The following CRTAM variants were observed in gnomAD, a reference collection of about 807,000 sequenced individuals.
CRTAM encodes cytotoxic and regulatory T cell molecule.
Under a neutral mutation model 50.0 loss-of-function variants are expected in CRTAM, and 44 were observed. That is an observed-to-expected ratio of 0.88 (90% CI 0.69 to 1.13). CRTAM has a LOEUF of 1.13. Ranked by LOEUF, CRTAM falls within the 50% of genes most tolerant of loss-of-function variation. The pLI, the probability that CRTAM is intolerant of heterozygous loss-of-function variation, is 0.00. For synonymous variants in CRTAM, 159 were observed against 169.3 expected, an observed-to-expected ratio of 0.94 and a Z score of 0.47; for missense variants, 448 against 457.5, an observed-to-expected ratio of 0.98 and a Z score of 0.19.
Position 122,862,542 on chromosome 11 carries a change from C to T in CRTAM, c.731C>T (p.Thr244Ile). 1.3e-6 allele frequency: 2 copies of T among 1,573,052 alleles called. No homozygotes were observed. Among genetic ancestry groups the T allele is most frequent in the Non-Finnish European group, 1.7e-6 (2 of 1,149,116 alleles). Reference sequence around the variant, plus strand: ...CAAGACCCACAGCAGCCCACCAGTACTGGTAAGTGTCAAAATCATTCAAAC... The same window carrying T: ...CAAGACCCACAGCAGCCCACCAGTATTGGTAAGTGTCAAAATCATTCAAAC... Reference protein sequence around the residue: ...SSQDPQQPTSTVSVTEDSSTS... With the variant: ...SSQDPQQPTSIVSVTEDSSTS... Residue 244 changes from threonine to isoleucine, a missense_variant and splice_region_variant, in exon 6 of 10, where the codon ACT becomes ATT. By Grantham distance (89) the Thr-to-Ile change is moderately conservative. Transcript: ENST00000227348.
chr11:122,857,323 G>A (rs182375258), intron 5 of CRTAM, among the ~76,000 whole-genome samples: 6 of 152,328 alleles, frequency 3.9e-5, no homozygotes, highest in African/African-American at 1.2e-4. Flanking sequence ...AAAAAAATCA[G>A]CTGGGCATGA....
chr11:122,870,890 GC>G (rs1444232200), intron 9 of CRTAM, among the ~76,000 whole-genome samples: 1 of 152,076 alleles, frequency 6.6e-6, no homozygotes, highest in African/African-American at 2.4e-5. Flanking sequence ...ACCAGCCTAG[GC>G]AATATAGTGA....
chr11:122,846,273 T>A (rs1439181513), intron 1 of CRTAM, among the ~76,000 whole-genome samples: 1 of 152,178 alleles, frequency 6.6e-6, no homozygotes, highest in Non-Finnish European at 1.5e-5. Context: ...ATTTATGTGA[T>A]GAAGAGAAGA....
At chr11:122,853,542 C>T (rs1591351652) in intron 3 of CRTAM, among the ~76,000 whole-genome samples, 2 of 151,792 alleles carry the variant, frequency 1.3e-5, no homozygotes, top group East Asian at 2.0e-4. Flanking sequence ...AAATATGGGC[C>T]GGGCGCAGTG....
chr11:122,863,461 T>C (rs1162999033), intron 6 of CRTAM, among the ~76,000 whole-genome samples: 1 of 152,234 alleles, frequency 6.6e-6, no homozygotes, highest in East Asian at 1.9e-4. Context: ...TCTCTTTCCA[T>C]TTCATGTAAT....
chr11:122,856,321 T>G (rs1048479551), intron 5 of CRTAM, among the ~76,000 whole-genome samples: 1 of 152,258 alleles, frequency 6.6e-6, no homozygotes, highest in Non-Finnish European at 1.5e-5. Flanking sequence ...ATAATTGCTT[T>G]GAAGATTTTA....
chr11:122,865,185 C>T (rs183859390), intron 7 of CRTAM, among the ~76,000 whole-genome samples: 3 of 151,982 alleles, frequency 2.0e-5, no homozygotes, highest in South Asian at 2.1e-4. Flanking sequence ...TACAGGCACA[C>T]GCCACCACCC....
At position 122,854,061 on chromosome 11, in the gene CRTAM, A is replaced by C; in HGVS notation, c.465A>C (p.Leu155=). Residue 155 remains leucine (L), a synonymous_variant, in exon 4 of 10, where the codon CTA becomes CTC. Transcript: ENST00000227348. ...AGCCCCCTCCGCAGATAACCTGGCT[A>C]CTTGGGAATAGCATGGAAGTGTCCG... ...RSKPPPQITW[L]LGNSMEVSGG... 1 of 1,614,036 alleles carries C rather than the reference A, an allele frequency of 6.2e-7. No homozygotes were observed. The highest frequency in any genetic ancestry group is 8.5e-7 in the Non-Finnish European group (1 of 1,179,948).
intron 9 of CRTAM, among the ~76,000 whole-genome samples, 172 bp from the exon 10 acceptor site, chr11:122,871,097 A>T (rs1315050225): frequency 6.6e-6 from 1 of 152,144 alleles, no homozygotes; most frequent in Non-Finnish European, 1.5e-5. Context: ...ACCACGAAAA[A>T]CAAAAAAGAA....
At chr11:122,857,993 C>T (rs1399742747) in intron 5 of CRTAM, among the ~76,000 whole-genome samples, 1 of 152,160 alleles carries the variant, frequency 6.6e-6, no homozygotes, top group Non-Finnish European at 1.5e-5. Flanking sequence ...TCACTGCAGC[C>T]TCAATCTTCC....
In CRTAM at chr11:122,861,858, A is replaced by G. The variant is rs536808746; in HGVS notation, c.653-606A>G. Among the ~76,000 whole-genome samples the G allele has an allele frequency of 2.1e-4, 32 of 152,294 alleles. 2 individuals are homozygous for G. In the South Asian group the frequency reaches 6.6e-3, roughly 32 times the overall value. On this transcript the variant is annotated intron_variant, in intron 5 of 9. Coordinates refer to ENST00000227348, the MANE Select transcript of CRTAM (RefSeq NM_019604.4). ...ACCTATACTAGGCTGACCCTCTGGAAACATTCCTAAGCATTGATTAATGTT... is the reference window on the plus strand; with the variant it reads ...ACCTATACTAGGCTGACCCTCTGGAGACATTCCTAAGCATTGATTAATGTT...
In CRTAM at chr11:122,855,717, A is replaced by T; in HGVS notation, c.513A>T (p.Glu171Asp). Residue 171 changes from glutamate to aspartate, a missense_variant, in exon 5 of 10, where the codon GAA (glutamate) becomes GAT (aspartate). Physicochemically the swap from Glu to Asp is conservative, Grantham distance 45. Coordinates refer to ENST00000227348, the MANE Select transcript of CRTAM (RefSeq NM_019604.4). ...TAGGTGGAACGCTCCATGAATTTGAAACTGATGGGAAGAAATGTAATACTA... is the reference window on the plus strand; with the variant it reads ...TAGGTGGAACGCTCCATGAATTTGATACTGATGGGAAGAAATGTAATACTA... ...EVSGGTLHEF[E>D]TDGKKCNTTS... 6.2e-7 allele frequency: 1 copy of T among 1,614,112 alleles called. No homozygotes were observed. The highest frequency in any genetic ancestry group is 8.5e-7 in the Non-Finnish European group (1 of 1,179,986).
chr11:122,839,668 A>G (rs577499598), intron 1 of CRTAM, among the ~76,000 whole-genome samples: 1 of 152,256 alleles, frequency 6.6e-6, no homozygotes, highest in African/African-American at 2.4e-5. Flanking sequence ...TCTGCTTACA[A>G]TTGTATCAGA....
chr11:122,861,293 A>G (rs1862070350), intron 5 of CRTAM, among the ~76,000 whole-genome samples: 1 of 150,080 alleles, frequency 6.7e-6, no homozygotes, highest in Non-Finnish European at 1.5e-5. Flanking sequence ...GATTAAATAA[A>G]CACCAAGAAG....
At chr11:122,840,147 A>G (rs1470281688) in intron 1 of CRTAM, among the ~76,000 whole-genome samples, 3 of 152,164 alleles carry the variant, frequency 2.0e-5, no homozygotes, top group Admixed American at 6.5e-5. Flanking sequence ...TTTTAAATAA[A>G]TAGCAAAAAT....
intron 9 of CRTAM, 72 bp from the exon 10 acceptor site, chr11:122,871,197 C>A: frequency 7.3e-7 from 1 of 1,366,508 alleles, no homozygotes; most frequent in Non-Finnish European, 1.0e-6. Context: ...GATATCCAAT[C>A]AAAGTGTTTC....
At chr11:122,844,595 G>A (rs1274197997) in intron 1 of CRTAM, among the ~76,000 whole-genome samples, 5 of 152,150 alleles carry the variant, frequency 3.3e-5, no homozygotes, top group African/African-American at 9.7e-5. Flanking sequence ...TAGTGCCATC[G>A]TGAATACTAG....
chr11:122,848,230 T>C lies in CRTAM; in HGVS notation c.47-1838T>C, dbSNP rs568770897. ...CACTGGCTTTCCTACCTTCTTAATA[T>C]GGATGTCATGAGAACACAAAATAGG... On this transcript the variant is annotated intron_variant, in intron 1 of 9. Transcript: ENST00000227348. Among the ~76,000 whole-genome samples, 4 of 152,308 alleles carry C rather than the reference T, an allele frequency of 2.6e-5. No individual in the cohort carries two copies. In the South Asian group the frequency reaches 6.2e-4, roughly 24 times the overall value.
chr11:122,861,450 T>A (rs1413295163), intron 5 of CRTAM, among the ~76,000 whole-genome samples: 1 of 105,604 alleles, frequency 9.5e-6, no homozygotes, highest in East Asian at 3.4e-4. Flanking sequence ...TTTTTTTTTT[T>A]GAGAGGGAGT....
Sources: gnomAD v4.1 joint callset for allele counts (sites outside exome capture counted in the v4.1 genomes callset) on GRCh38, gnomAD v4.1.1 for gene constraint, MANE v1.5 for transcripts, NCBI Gene and HGNC (gene_info 2026-07-23, HGNC 2026-07-21) for gene names.